Variants in ITGA9 observed in about 807,000 individuals in gnomAD.
The protein encoded by ITGA9 is integrin subunit alpha 9, also known as integrin alpha-9.
Under a neutral mutation model 127.8 loss-of-function variants are expected in ITGA9, and 56 were observed. The observed-to-expected ratio is 0.44, with a 90% CI of 0.35 to 0.55. The LOEUF is 0.55. ITGA9 is among the 20% of genes least tolerant of loss of function. ITGA9 has a pLI of 0.00. For synonymous variants in ITGA9, 508 were observed against 514.5 expected (o/e 0.99, Z 0.17); for missense variants, 1,196 against 1,347.1 (o/e 0.89, Z 1.76).
At chr3:37,748,944 A>G (rs1215201743) in intron 22 of ITGA9, 4 of 664,990 alleles carry the variant, frequency 6.0e-6, no homozygotes, top group Admixed American at 2.5e-5. Context: ...CTGTTTAAAA[A>G]AAAAAAGAAA....
At chr3:37,780,362 C>G (rs1696962535) in intron 25 of ITGA9, among the ~76,000 whole-genome samples, 1 of 152,168 alleles carries the variant, frequency 6.6e-6, no homozygotes, top group African/African-American at 2.4e-5. Context: ...CTCTTTATGC[C>G]TATGGGTACC....
At chr3:37,710,053 A>G (rs1271110220) in intron 18 of ITGA9, among the ~76,000 whole-genome samples, 1 of 152,178 alleles carries the variant, frequency 6.6e-6, no homozygotes, top group Admixed American at 6.5e-5. Context: ...TGAGTGTTGT[A>G]TTTACTTTTC....
intron 15 of ITGA9, among the ~76,000 whole-genome samples, chr3:37,578,229 A>G (rs1303492304): frequency 1.3e-5 from 2 of 152,144 alleles, no homozygotes; most frequent in Non-Finnish European, 2.9e-5. Context: ...TTGATTTTGG[A>G]AGTTTTAAAT....
chr3:37,489,487 T>C (rs56902407), intron 4 of ITGA9, among the ~76,000 whole-genome samples: 18,950 of 152,290 alleles, frequency 0.12, 1,245 homozygotes, highest in Middle Eastern at 0.18. Flanking sequence ...AAATCTTTCT[T>C]TCATTTAATT....
chr3:37,598,527 A>G (rs529572189), intron 15 of ITGA9, among the ~76,000 whole-genome samples: 3 of 152,310 alleles, frequency 2.0e-5, no homozygotes, highest in East Asian at 1.9e-4. Context: ...TGATTAATCA[A>G]TGTCCAGTGG....
At chr3:37,470,970 G>A (rs764742971) in intron 1 of ITGA9, 37 bp from the exon 2 acceptor site, 25 of 1,612,964 alleles carry the variant, frequency 1.5e-5, no homozygotes, top group East Asian at 4.5e-5. Flanking sequence ...TTTTCTTATC[G>A]TAGGTTGTGA....
intron 1 of ITGA9, among the ~76,000 whole-genome samples, chr3:37,465,300 C>T (rs930586252): frequency 6.6e-6 from 1 of 152,120 alleles, no homozygotes; most frequent in African/African-American, 2.4e-5. Context: ...GCGAGGTGGG[C>T]GGCTGGAATG....
At chr3:37,746,850 C>T (rs1696507266) in intron 22 of ITGA9, among the ~76,000 whole-genome samples, 1 of 152,112 alleles carries the variant, frequency 6.6e-6, no homozygotes, top group African/African-American at 2.4e-5. Context: ...TTGCAGAAAA[C>T]CAAAGACACA....
At chr3:37,512,130 T>C (rs1422202243) in intron 8 of ITGA9, among the ~76,000 whole-genome samples, 1 of 11,188 alleles carries the variant, frequency 8.9e-5, no homozygotes, top group Non-Finnish European at 1.8e-4. Flanking sequence ...CTTTCTTTTC[T>C]TTTCTTTTCT....
chr3:37,532,084 T>C (rs1699158035), intron 13 of ITGA9, among the ~76,000 whole-genome samples: 4 of 152,230 alleles, frequency 2.6e-5, no homozygotes. Flanking sequence ...CCTATAAGGA[T>C]GAACCCAGAA....
At chr3:37,697,340 AT>A (rs1255065089) in intron 18 of ITGA9, among the ~76,000 whole-genome samples, 2 of 146,766 alleles carry the variant, frequency 1.4e-5, no homozygotes, top group African/African-American at 5.0e-5. Flanking sequence ...TATTATTATT[AT>A]TATTATTATT....
chr3:37,794,932 C>T (rs551162552), intron 26 of ITGA9, among the ~76,000 whole-genome samples: 1 of 152,136 alleles, frequency 6.6e-6, no homozygotes, highest in African/African-American at 2.4e-5. Flanking sequence ...GCCTTCTAGG[C>T]TGAGTTCTGA....
At chr3:37,514,535 G>C (rs1296551365) in intron 9 of ITGA9, among the ~76,000 whole-genome samples, 1 of 152,158 alleles carries the variant, frequency 6.6e-6, no homozygotes, top group African/African-American at 2.4e-5. Context: ...TTCAGCATGG[G>C]GGGGCAGGGG....
chr3:37,798,600 T>G (rs1336118643), intron 26 of ITGA9, among the ~76,000 whole-genome samples: 1 of 152,220 alleles, frequency 6.6e-6, no homozygotes, highest in South Asian at 2.1e-4. Context: ...AGGTCCCAAA[T>G]TCTGTAAAGT....
Position 37,542,659 on chromosome 3 carries a change from T to G in ITGA9, c.1689+74T>G. ...TTCACTTGGAGCTGGTGGAAACTAT[T>G]TTTATTATGTATTATGTGTGCTCTT... On this transcript the variant is annotated intron_variant, in intron 15 of 27. Transcript: ENST00000264741. 7.4e-6 allele frequency: 11 copies of G among 1,482,506 alleles called. No homozygotes were observed. The South Asian group carries it at 1.2e-4, about 16-fold the overall frequency. The allele number at this position is 1,482,506 out of a possible 1,614,324, so 91.8% of individuals were successfully genotyped here. A position where few individuals can be genotyped will look rare whatever the true frequency, so the allele number is the denominator to read the frequency against.
chr3:37,819,063 A>T lies in ITGA9; in HGVS notation c.*74A>T. Reference sequence around the variant, plus strand: ...CTTTGTATCTTCCATATTTGGAAGAAAAAAATCTTCTCCAGATTTTTCGGA... The same window carrying T: ...CTTTGTATCTTCCATATTTGGAAGATAAAAATCTTCTCCAGATTTTTCGGA... On this transcript the variant is annotated 3_prime_UTR_variant, in exon 28 of 28. Transcript: ENST00000264741. 1.7e-6 allele frequency: 2 copies of T among 1,158,374 alleles called. No individual in the cohort carries two copies. The highest frequency in any genetic ancestry group is 1.3e-6 in the Non-Finnish European group (1 of 771,754). The allele number at this position is 1,158,374 out of a possible 1,614,324, so 71.8% of individuals were successfully genotyped here.
chr3:37,735,531 T>C (rs1696349136), intron 19 of ITGA9, among the ~76,000 whole-genome samples: 2 of 152,212 alleles, frequency 1.3e-5, no homozygotes, highest in South Asian at 4.1e-4. Context: ...GGTTTAGACA[T>C]TGTATAAGTT....
At chr3:37,811,587 A>C (rs1697369274) in intron 27 of ITGA9, among the ~76,000 whole-genome samples, 1 of 151,414 alleles carries the variant, frequency 6.6e-6, no homozygotes, top group Non-Finnish European at 1.5e-5. Flanking sequence ...TCCCCTCCCC[A>C]GCTCTGTCCT....
chr3:37,523,156 TCAGC>T (rs1699060843), intron 11 of ITGA9, among the ~76,000 whole-genome samples: 1 of 152,224 alleles, frequency 6.6e-6, no homozygotes, highest in South Asian at 2.1e-4. Flanking sequence ...TCTTAGAATT[TCAGC>T]CAGCTACACC....
Sources: gnomAD v4.1 joint callset for allele counts (sites outside exome capture counted in the v4.1 genomes callset) on GRCh38, gnomAD v4.1.1 for gene constraint, MANE v1.5 for transcripts, NCBI Gene and HGNC (gene_info 2026-07-23, HGNC 2026-07-21) for gene names.